Variants in RABGEF1 observed in about 807,000 individuals in gnomAD.
The protein encoded by RABGEF1 is RAB guanine nucleotide exchange factor 1.
In RABGEF1, 26 loss-of-function variants were observed where a neutral mutation model predicts 57.3. The ratio of observed to expected loss-of-function variants is 0.45; its 90% confidence interval spans 0.33 to 0.63. The LOEUF (loss-of-function observed/expected upper bound fraction) is 0.63, where lower values mean the gene tolerates loss of function less well. Among genes scored for constraint, RABGEF1 ranks in the 20% least tolerant of loss-of-function variants. The pLI is 0.02. For missense variants in RABGEF1, 464 were observed against 607.6 expected (o/e 0.76, Z 2.48); for synonymous variants, 185 against 210.7 (o/e 0.88, Z 1.06).
intron 1 of RABGEF1, among the ~76,000 whole-genome samples, chr7:66,760,808 T>C (rs151294045): frequency 6.6e-6 from 1 of 152,182 alleles, no homozygotes; most frequent in African/African-American, 2.4e-5. Context: ...CATTTTTAAA[T>C]AATAGAGACA....
chr7:66,803,313 A>G (rs943485815), intron 7 of RABGEF1, among the ~76,000 whole-genome samples: 1 of 152,240 alleles, frequency 6.6e-6, no homozygotes, highest in Non-Finnish European at 1.5e-5. Context: ...CTCAGGGATG[A>G]TCTAAAAGCT....
intron 1 of RABGEF1, among the ~76,000 whole-genome samples, chr7:66,747,044 T>G (rs916466814): frequency 6.6e-6 from 1 of 152,132 alleles, no homozygotes; most frequent in Admixed American, 6.5e-5. Context: ...TCCACCTGCC[T>G]TGGCCTCCCA....
rs575442623 is a variant in RABGEF1 at position 66,730,150 on chromosome 7, C to T, written c.-814-9846C>T. On this transcript the variant is annotated intron_variant and NMD_transcript_variant, in intron 2 of 9. Transcript: ENST00000607882. ...AAAGAGCAGCACTTCCTCACGTCCA[C>T]GGAGAGTGCAACAGGGTGCAAGGCA... 1.5e-4 allele frequency among the ~76,000 whole-genome samples: 23 copies of T among 152,350 alleles called. 1 individual carries two copies. Among genetic ancestry groups the T allele is most frequent in the African/African-American group, 5.3e-4 (22 of 41,572 alleles).
At chr7:66,806,400 T>G (rs944116530) in intron 8 of RABGEF1, among the ~76,000 whole-genome samples, 1 of 152,172 alleles carries the variant, frequency 6.6e-6, no homozygotes, top group Non-Finnish European at 1.5e-5. Context: ...CCTCCAAACT[T>G]GGACCTGCCC....
intron 1 of RABGEF1, among the ~76,000 whole-genome samples, chr7:66,703,011 C>T (rs1006805860): frequency 3.3e-5 from 5 of 152,058 alleles, no homozygotes. Flanking sequence ...CGCTCTGTCG[C>T]CGCCCAGGCT....
At chr7:66,770,876 G>A (rs1806940559) in intron 1 of RABGEF1, among the ~76,000 whole-genome samples, 1 of 152,178 alleles carries the variant, frequency 6.6e-6, no homozygotes, top group Non-Finnish European at 1.5e-5. Context: ...GATTAGTGAT[G>A]TTGAGCATTT....
In RABGEF1 at chr7:66,698,944, C is replaced by T. The variant is rs1463377600; in HGVS notation, c.-872-13223C>T. ...CCCCTTGGCTGGTCACAAGTAACTC[C>T]GGTGACTGCAGGGCCAAGGTGCAGG... On this transcript the variant is annotated intron_variant and NMD_transcript_variant, in intron 1 of 9. Coordinates refer to the RABGEF1 transcript ENST00000607882. 3.9e-5 allele frequency among the ~76,000 whole-genome samples: 6 copies of T among 152,230 alleles called. No individual in the cohort carries two copies. The East Asian group carries it at 7.7e-4, about 20-fold the overall frequency.
intron 1 of RABGEF1, among the ~76,000 whole-genome samples, chr7:66,744,074 G>C (rs1182094654): frequency 7.0e-6 from 1 of 143,812 alleles, no homozygotes; most frequent in Non-Finnish European, 1.5e-5. Flanking sequence ...GTCTTGATCT[G>C]TGACTGGGCT....
intron 1 of RABGEF1, among the ~76,000 whole-genome samples, chr7:66,753,949 C>T (rs1470372566): frequency 1.0e-4 from 15 of 149,970 alleles, no homozygotes; most frequent in African/African-American, 3.2e-4. Flanking sequence ...TTGTGATCCA[C>T]CTGCCTCTGC....
chr7:66,735,722 G>A (rs1276746451), intron 2 of RABGEF1, among the ~76,000 whole-genome samples: 1 of 152,130 alleles, frequency 6.6e-6, no homozygotes, highest in Non-Finnish European at 1.5e-5. Context: ...ATGTGAAGAC[G>A]TGCCTGCTTT....
chr7:66,704,225 A>G (rs1192790610), intron 1 of RABGEF1, among the ~76,000 whole-genome samples: 2 of 152,194 alleles, frequency 1.3e-5, no homozygotes, highest in South Asian at 4.1e-4. Context: ...ACTAAGTGAA[A>G]AGTTGCAACA....
At chr7:66,695,599 C>G (rs763124689) in intron 1 of RABGEF1, among the ~76,000 whole-genome samples, 1 of 151,688 alleles carries the variant, frequency 6.6e-6, no homozygotes, top group African/African-American at 2.4e-5. Flanking sequence ...GAGAGTGGGT[C>G]GTGAGAAAGT....
intron 2 of RABGEF1, among the ~76,000 whole-genome samples, chr7:66,735,085 A>G (rs1244521114): frequency 6.6e-6 from 1 of 152,202 alleles, no homozygotes; most frequent in Non-Finnish European, 1.5e-5. Context: ...GAATTGTATT[A>G]CTTATTTATG....
At chr7:66,774,738 C>T (rs778122141) in intron 2 of RABGEF1, among the ~76,000 whole-genome samples, 9 of 151,942 alleles carry the variant, frequency 5.9e-5, no homozygotes, top group East Asian at 1.9e-4. Context: ...CCAGCCTGGG[C>T]GATGGAGTGA....
intron 1 of RABGEF1, among the ~76,000 whole-genome samples, chr7:66,757,442 CAT>C (rs562749075): frequency 6.1e-4 from 93 of 152,266 alleles, no homozygotes; most frequent in Admixed American, 1.4e-3. Flanking sequence ...TCATATCTCT[CAT>C]ATTACACACT....
chr7:66,671,214 G>A, the RABGEF1 span, among the ~76,000 whole-genome samples: 1 of 151,982 alleles, frequency 6.6e-6, no homozygotes, highest in African/African-American at 2.4e-5. Context: ...ATGTTGCCCC[G>A]GGTGGAATGT....
intron 7 of RABGEF1, among the ~76,000 whole-genome samples, chr7:66,800,662 G>T (rs574621719): frequency 1.3e-5 from 2 of 152,326 alleles, no homozygotes; most frequent in Admixed American, 1.3e-4. Flanking sequence ...CCTGGGACTT[G>T]TGTTTTTCCT....
chr7:66,779,563 T>G (rs1289927127), intron 3 of RABGEF1, among the ~76,000 whole-genome samples: 6 of 151,602 alleles, frequency 4.0e-5, no homozygotes, highest in African/African-American at 9.7e-5. Context: ...CCCCAACTAC[T>G]TGGGAGGCTG....
At chr7:66,797,072 G>C (rs906146780) in intron 5 of RABGEF1, among the ~76,000 whole-genome samples, 1 of 151,942 alleles carries the variant, frequency 6.6e-6, no homozygotes, top group African/African-American at 2.4e-5. Context: ...GGCTGAGGCA[G>C]GTAGATTGCT....
Sources: gnomAD v4.1 joint callset for allele counts (sites outside exome capture counted in the v4.1 genomes callset) on GRCh38, gnomAD v4.1.1 for gene constraint, MANE v1.5 for transcripts, NCBI Gene and HGNC (gene_info 2026-07-23, HGNC 2026-07-21) for gene names.